VEGFC: variants seen among roughly 807,000 people sequenced by gnomAD.
VEGFC encodes vascular endothelial growth factor C.
A neutral mutation model predicts 46.1 loss-of-function variants in VEGFC; 12 were observed. The observed-to-expected ratio is 0.26, with a 90% CI of 0.17 to 0.42. The LOEUF is 0.42. Ranked by LOEUF, VEGFC falls within the 10% of genes least tolerant of loss-of-function variation. The pLI is 1.00. For synonymous variants in VEGFC, 232 were observed against 195.5 expected (o/e 1.19, Z -1.56); for missense variants, 488 against 529.4 (o/e 0.92, Z 0.77).
chr4:176,770,420 G>GA (rs1735702175), intron 1 of VEGFC, among the ~76,000 whole-genome samples: 8 of 148,780 alleles, frequency 5.4e-5, no homozygotes, highest in African/African-American at 1.8e-4. Context: ...TTGTTTTTGT[G>GA]GAAACAGTTT....
At chr4:176,791,988 T>A (rs1434391861) in intron 1 of VEGFC, among the ~76,000 whole-genome samples, 177 bp downstream of exon 1, 2 of 152,184 alleles carry the variant, frequency 1.3e-5, no homozygotes, top group African/African-American at 4.8e-5. Context: ...TAGTAACAAC[T>A]TTCTATTTAA....
intron 3 of VEGFC, among the ~76,000 whole-genome samples, chr4:176,724,800 A>G (rs574239683): frequency 6.6e-6 from 1 of 152,302 alleles, no homozygotes; most frequent in South Asian, 2.1e-4. Context: ...CAGAGATTGC[A>G]GGTTGTGATA....
chr4:176,685,629 A>G (rs1359848658), intron 6 of VEGFC, among the ~76,000 whole-genome samples: 4 of 151,976 alleles, frequency 2.6e-5, no homozygotes, highest in Admixed American at 6.5e-5. Context: ...AATTCACTCA[A>G]TAAGAATTCA....
intron 1 of VEGFC, among the ~76,000 whole-genome samples, chr4:176,736,981 A>G (rs1215262953): frequency 6.6e-6 from 1 of 151,192 alleles, no homozygotes; most frequent in South Asian, 2.1e-4. Flanking sequence ...AATGATAACT[A>G]ATGTTTTTAT....
At chr4:176,685,801 T>C (rs575501991) in intron 6 of VEGFC, among the ~76,000 whole-genome samples, 2 of 152,256 alleles carry the variant, frequency 1.3e-5, no homozygotes, top group African/African-American at 4.8e-5. Flanking sequence ...ATACCTATGA[T>C]GTACTTTGCA....
chr4:176,684,047 G>A lies in VEGFC; in HGVS notation c.1146-7C>T. 1 of 1,590,750 alleles carries A rather than the reference G, an allele frequency of 6.3e-7. No individual in the cohort carries two copies. Among genetic ancestry groups the A allele is most frequent in the Non-Finnish European group, 8.6e-7 (1 of 1,158,814 alleles). On this transcript the variant is annotated splice_polypyrimidine_tract_variant and splice_region_variant and intron_variant, in intron 6 of 6. Coordinates refer to ENST00000618562, the MANE Select transcript of VEGFC (RefSeq NM_005429.5). ...ACATGGCCGTCTGTAACAGCTAGGA[G>A]AACAAACAAGAACACACTTACGTTA...
chr4:176,704,594 A>G (rs1345610141), intron 4 of VEGFC, among the ~76,000 whole-genome samples: 4 of 151,768 alleles, frequency 2.6e-5, no homozygotes, highest in African/African-American at 9.7e-5. Flanking sequence ...TGTGGCCACC[A>G]TCTTTATTAT....
chr4:176,791,541 G>C (rs1736092916), intron 1 of VEGFC, among the ~76,000 whole-genome samples: 1 of 147,264 alleles, frequency 6.8e-6, no homozygotes, highest in Non-Finnish European at 1.5e-5. Flanking sequence ...TAGGAATGAA[G>C]AGCTTATAAA....
At chr4:176,786,819 T>C (rs1167934543) in intron 1 of VEGFC, among the ~76,000 whole-genome samples, 2 of 152,210 alleles carry the variant, frequency 1.3e-5, no homozygotes, top group African/African-American at 4.8e-5. Context: ...AGCATCCACA[T>C]GGCTTCTTTC....
chr4:176,686,981 T>A (rs1274095581), intron 6 of VEGFC, among the ~76,000 whole-genome samples: 1 of 152,142 alleles, frequency 6.6e-6, no homozygotes, highest in Admixed American at 6.5e-5. Flanking sequence ...CTAATTTTGA[T>A]CCTCAAGGCT....
rs3063166 is a variant in VEGFC at position 176,727,658 on chromosome 4, T to TAA, written c.552+119_552+120insTT. ...TGACTTCATTCCCCTAAAGAAAATA[T>TAA]GAGACCCTGAGTTGAACCAAGTTAG... On this transcript the variant is annotated intron_variant, in intron 3 of 6. Coordinates refer to ENST00000618562, the MANE Select transcript of VEGFC (RefSeq NM_005429.5). 0.9 allele frequency: 842,943 copies of TAA among 935,922 alleles called. 381,594 individuals carry two copies. Among genetic ancestry groups the TAA allele is most frequent in the East Asian group, 1 (34,290 of 34,304 alleles). The allele number at this position is 935,922 out of a possible 1,614,324, so 58.0% of individuals were successfully genotyped here.
chr4:176,758,051 T>C lies in VEGFC; in HGVS notation c.148-28305A>G, dbSNP rs187824162. 3.1e-4 allele frequency among the ~76,000 whole-genome samples: 47 copies of C among 152,256 alleles called. 2 individuals carry two copies. Among genetic ancestry groups the C allele is most frequent in the East Asian group, 2.3e-3 (12 of 5,180 alleles). On this transcript the variant is annotated intron_variant, in intron 1 of 6. Coordinates refer to ENST00000618562, the MANE Select transcript of VEGFC (RefSeq NM_005429.5). ...CTCAACACTTTCTTTTGTAAATTACTCATTCATTCAATAATATACATTCTT... is the reference window on the plus strand; with the variant it reads ...CTCAACACTTTCTTTTGTAAATTACCCATTCATTCAATAATATACATTCTT...
At chr4:176,759,690 G>C (rs1368210655) in intron 1 of VEGFC, among the ~76,000 whole-genome samples, 1 of 151,910 alleles carries the variant, frequency 6.6e-6, no homozygotes, top group Non-Finnish European at 1.5e-5. Context: ...AAACGTCACA[G>C]TGTACACCAT....
rs538128311 is a variant in VEGFC, at chr4:176,687,143, A to G, written c.1145+44T>C. The G allele has an allele frequency of 3.8e-5, 60 of 1,563,268 alleles. No individual in the cohort carries two copies. The East Asian group carries it at 1.1e-3, about 28-fold the overall frequency. On this transcript the variant is annotated intron_variant, in intron 6 of 6. Coordinates refer to ENST00000618562, the MANE Select transcript of VEGFC (RefSeq NM_005429.5). ...GAAAACTGCTTTTGGTTTAGAGCATATTTCTAGTAAGATAAATTAATATTC... is the reference window on the plus strand; with the variant it reads ...GAAAACTGCTTTTGGTTTAGAGCATGTTTCTAGTAAGATAAATTAATATTC...
intron 1 of VEGFC, among the ~76,000 whole-genome samples, chr4:176,786,114 TGGCTTCTGAGAAGCTTCTGAGA>T (rs1414812970): frequency 6.6e-6 from 1 of 152,118 alleles, no homozygotes; most frequent in Non-Finnish European, 1.5e-5. Flanking sequence ...CAGTTGAAAA[TGGCTTCTGAGAAGCTTCTGAGA>T]AGCTTCTGGT....
chr4:176,731,060 G>C (rs571446286), intron 1 of VEGFC, among the ~76,000 whole-genome samples: 140 of 152,146 alleles, frequency 9.2e-4, no homozygotes, highest in African/African-American at 3.3e-3. Flanking sequence ...GTAGGTCTAT[G>C]TTAGAAAAAT....
At chr4:176,688,008 A>C (rs1220226033) in intron 4 of VEGFC, 81 bp from the exon 5 acceptor site, 4 of 682,450 alleles carry the variant, frequency 5.9e-6, no homozygotes, top group African/African-American at 1.8e-5. Context: ...ATGTATCAAA[A>C]TAATGCTCAT....
chr4:176,775,416 T>C (rs1735798881), intron 1 of VEGFC, among the ~76,000 whole-genome samples: 1 of 152,222 alleles, frequency 6.6e-6, no homozygotes, highest in Non-Finnish European at 1.5e-5. Flanking sequence ...CTTGAGTATA[T>C]TTAAAATTGT....
chr4:176,697,469 C>T (rs1301597814), intron 4 of VEGFC, among the ~76,000 whole-genome samples: 1 of 152,070 alleles, frequency 6.6e-6, no homozygotes, highest in South Asian at 2.1e-4. Context: ...GGCAATCATT[C>T]AAAAGTCAGG....
Sources: allele counts gnomAD v4.1 joint callset (sites outside exome capture counted in the v4.1 genomes callset), GRCh38; gene constraint gnomAD v4.1.1; transcripts MANE v1.5; gene names NCBI Gene and HGNC (gene_info 2026-07-23, HGNC 2026-07-21).